COLEC10: variants seen among roughly 807,000 people sequenced by gnomAD.
COLEC10 encodes collectin subfamily member 10.
A neutral mutation model predicts 28.4 loss-of-function variants in COLEC10; 22 were observed. The observed-to-expected ratio is 0.78, with a 90% confidence interval of 0.55 to 1.11. The LOEUF (loss-of-function observed/expected upper bound fraction) is 1.11, where lower values mean the gene tolerates loss of function less well. Among genes scored for constraint, COLEC10 ranks in the 50% least tolerant of loss-of-function variants. The probability of loss-of-function intolerance (pLI) is 0.00; values close to 1 mark genes in which losing one functional copy is unlikely to be tolerated. For missense variants in COLEC10, 361 were observed against 344.1 expected (o/e 1.05, Z -0.39); for synonymous variants, 125 against 116.1 (o/e 1.08, Z -0.49).
At chr8:119,022,079 C>T (rs926888082) in intron 2 of COLEC10, among the ~76,000 whole-genome samples, 1 of 152,050 alleles carries the variant, frequency 6.6e-6, no homozygotes, top group African/African-American at 2.4e-5. Context: ...ATTCCTCTAG[C>T]CTCTCTGCCA....
upstream of COLEC10, among the ~76,000 whole-genome samples, chr8:118,993,900 T>C (rs1473993062): frequency 6.6e-6 from 1 of 152,144 alleles, no homozygotes; most frequent in Non-Finnish European, 1.5e-5. Flanking sequence ...TGGTTAAAGA[T>C]GAAGAATTCC....
chr8:118,967,044 AT>A, the COLEC10 span, among the ~76,000 whole-genome samples: 7 of 152,136 alleles, frequency 4.6e-5, no homozygotes, highest in Non-Finnish European at 8.8e-5. Flanking sequence ...CTTAAAGGTA[AT>A]AATGCAGTTT....
chr8:119,013,689 T>C (rs1813939960), intron 2 of COLEC10, among the ~76,000 whole-genome samples: 1 of 150,800 alleles, frequency 6.6e-6, no homozygotes, highest in Non-Finnish European at 1.5e-5. Flanking sequence ...TGTTATGTCT[T>C]TAAAAACTGA....
chr8:119,100,098 G>A (rs1815794498), intron 3 of COLEC10, among the ~76,000 whole-genome samples: 1 of 152,156 alleles, frequency 6.6e-6, no homozygotes, highest in Admixed American at 6.6e-5. Flanking sequence ...TAATGTTTTT[G>A]ATGGTGATGA....
intron 3 of COLEC10, among the ~76,000 whole-genome samples, chr8:119,092,348 AG>A (rs1183946824): frequency 2.6e-5 from 4 of 152,146 alleles, no homozygotes; most frequent in Non-Finnish European, 5.9e-5. Flanking sequence ...CTGGGATTAC[AG>A]GCATGAGCCA....
chr8:119,099,185 C>G (rs1268492552), intron 3 of COLEC10, among the ~76,000 whole-genome samples: 1 of 152,000 alleles, frequency 6.6e-6, no homozygotes. Flanking sequence ...ACAGTTATTA[C>G]AGACATGTTC....
chr8:118,966,192 T>A, the COLEC10 span, among the ~76,000 whole-genome samples: 1 of 152,036 alleles, frequency 6.6e-6, no homozygotes, highest in Non-Finnish European at 1.5e-5. Flanking sequence ...ATTTAGTAGA[T>A]CCTTATAAAG....
chr8:119,010,390 A>G (rs910976745), intron 2 of COLEC10, among the ~76,000 whole-genome samples: 1 of 150,914 alleles, frequency 6.6e-6, no homozygotes, highest in Non-Finnish European at 1.5e-5. Flanking sequence ...ACATACTACA[A>G]TTTACTTATC....
the COLEC10 span, among the ~76,000 whole-genome samples, chr8:118,977,721 A>G: frequency 6.9e-6 from 1 of 145,474 alleles, no homozygotes; most frequent in Non-Finnish European, 1.5e-5. Context: ...CATTGTGCAC[A>G]TGTACCCTAA....
chr8:119,036,861 A>G (rs546204328), intron 2 of COLEC10, among the ~76,000 whole-genome samples: 62 of 152,318 alleles, frequency 4.1e-4, no homozygotes, highest in Non-Finnish European at 6.6e-4. Context: ...TGGAGAGAGG[A>G]GGGAGCAAAT....
At chr8:118,961,191 C>G in the COLEC10 span, among the ~76,000 whole-genome samples, 1 of 152,130 alleles carries the variant, frequency 6.6e-6, no homozygotes, top group African/African-American at 2.4e-5. Context: ...AACTAAAACT[C>G]AGGACTAGTG....
intron 2 of COLEC10, among the ~76,000 whole-genome samples, chr8:119,027,422 G>A (rs1166794522): frequency 1.3e-5 from 2 of 152,060 alleles, no homozygotes; most frequent in Non-Finnish European, 2.9e-5. Context: ...TCTGGATTAT[G>A]TCTTTATTTA....
At chr8:119,096,230 C>T (rs922459459) in intron 3 of COLEC10, among the ~76,000 whole-genome samples, 3 of 152,076 alleles carry the variant, frequency 2.0e-5, no homozygotes, top group Admixed American at 1.3e-4. Flanking sequence ...GTAGCCAACA[C>T]GTTTTTAAAC....
rs1815994617 is a variant in COLEC10 at position 119,108,332 on chromosome 8, A to G, written c.*2141A>G. ...CATGCAGCAAATGTTGCCTACGGGC[A>G]ACTTCATGTTAAGGATCCATGTTCT... On this transcript the variant is annotated 3_prime_UTR_variant, in exon 6 of 6. Transcript: ENST00000332843. Among the ~76,000 whole-genome samples, 1 of 152,224 alleles carries G rather than the reference A, an allele frequency of 6.6e-6. No homozygotes were observed. The highest frequency in any genetic ancestry group is 1.5e-5 in the Non-Finnish European group (1 of 68,042).
chr8:119,076,434 T>C (rs1815238533), intron 1 of COLEC10, among the ~76,000 whole-genome samples: 1 of 152,096 alleles, frequency 6.6e-6, no homozygotes, highest in African/African-American at 2.4e-5. Context: ...GCTAATTTTT[T>C]GTATTTTTAG....
At chr8:119,073,199 C>G (rs1815159586) in intron 1 of COLEC10, among the ~76,000 whole-genome samples, 1 of 152,208 alleles carries the variant, frequency 6.6e-6, no homozygotes, top group Non-Finnish European at 1.5e-5. Context: ...GGCAGCAGGA[C>G]TAGAACTAGA....
chr8:118,989,109 A>C, the COLEC10 span, among the ~76,000 whole-genome samples: 1 of 152,188 alleles, frequency 6.6e-6, no homozygotes, highest in Non-Finnish European at 1.5e-5. Context: ...CACTAATGGA[A>C]AAATAAGATA....
At chr8:119,030,355 A>G (rs569180436) in intron 2 of COLEC10, among the ~76,000 whole-genome samples, 2 of 152,340 alleles carry the variant, frequency 1.3e-5, no homozygotes, top group Admixed American at 1.3e-4. Context: ...AATATACTTT[A>G]GTCCACAGTA....
At chr8:119,042,442 G>T (rs769663082) in intron 2 of COLEC10, among the ~76,000 whole-genome samples, 1 of 151,366 alleles carries the variant, frequency 6.6e-6, no homozygotes, top group South Asian at 2.1e-4. Flanking sequence ...GTAAATAGCC[G>T]TGTTTTTAGA....
Sources: allele counts gnomAD v4.1 joint callset (sites outside exome capture counted in the v4.1 genomes callset), GRCh38; gene constraint gnomAD v4.1.1; transcripts MANE v1.5; gene names NCBI Gene and HGNC (gene_info 2026-07-23, HGNC 2026-07-21).